Variants in PDE11A observed in about 807,000 individuals in gnomAD.
PDE11A encodes the protein dual 3',5'-cyclic-AMP and -GMP phosphodiesterase 11A.
In PDE11A, 100 loss-of-function variants were observed where a neutral mutation model predicts 100.5. The observed-to-expected ratio is 1.00, with a 90% CI of 0.85 to 1.18. PDE11A has a LOEUF of 1.18. PDE11A is among the 50% of genes most tolerant of loss of function. PDE11A has a pLI of 0.00. For missense variants in PDE11A, 1,141 were observed against 1,152.6 expected (o/e 0.99, Z 0.15); for synonymous variants, 381 against 420.8 (o/e 0.91, Z 1.16).
chr2:177,909,565 A>T (rs1574270784), intron 2 of PDE11A, among the ~76,000 whole-genome samples: 1 of 152,192 alleles, frequency 6.6e-6, no homozygotes, highest in African/African-American at 2.4e-5. Context: ...AATACAGGCT[A>T]AAGTTCAAAT....
chr2:178,036,692 G>A (rs919307583), intron 1 of PDE11A, among the ~76,000 whole-genome samples: 4 of 151,946 alleles, frequency 2.6e-5, no homozygotes, highest in Non-Finnish European at 5.9e-5. Flanking sequence ...CCAACGGAAC[G>A]AAAGGAGACC....
upstream of PDE11A, chr2:178,072,785 T>TG: frequency 8.1e-7 from 1 of 1,239,844 alleles, no homozygotes; most frequent in Non-Finnish European, 1.0e-6. Context: ...ACCGGATGAG[T>TG]GGACCGCTGT....
At chr2:177,984,388 T>C (rs983365057) in intron 2 of PDE11A, among the ~76,000 whole-genome samples, 5 of 152,230 alleles carry the variant, frequency 3.3e-5, no homozygotes, top group South Asian at 2.1e-4. Context: ...GTGAATGGCA[T>C]ACATATACTT....
intron 2 of PDE11A, among the ~76,000 whole-genome samples, chr2:178,012,354 A>T (rs2086282723): frequency 6.6e-6 from 1 of 152,340 alleles, no homozygotes; most frequent in East Asian, 1.9e-4. Flanking sequence ...TAAAACTCAT[A>T]GGGAAAATAT....
chr2:178,003,064 G>A (rs1000567630), intron 2 of PDE11A, among the ~76,000 whole-genome samples: 1 of 152,154 alleles, frequency 6.6e-6, no homozygotes, highest in African/African-American at 2.4e-5. Flanking sequence ...TGACATGGGT[G>A]TGGAGAATTC....
chr2:177,855,299 G>A (rs534457273), intron 5 of PDE11A, among the ~76,000 whole-genome samples: 1 of 152,146 alleles, frequency 6.6e-6, no homozygotes, highest in Non-Finnish European at 1.5e-5. Flanking sequence ...GAAGAGGAAA[G>A]AAGTTCCAGA....
intron 10 of PDE11A, among the ~76,000 whole-genome samples, chr2:177,762,748 ATCT>A (rs1384488706): frequency 6.6e-6 from 1 of 152,192 alleles, no homozygotes; most frequent in Non-Finnish European, 1.5e-5. Flanking sequence ...GCTCACAGTG[ATCT>A]TCTGGGGAGA....
intron 5 of PDE11A, among the ~76,000 whole-genome samples, chr2:177,854,713 C>T (rs1432483405): frequency 6.6e-6 from 1 of 152,036 alleles, no homozygotes; most frequent in East Asian, 1.9e-4. Context: ...ATGAAGCTTC[C>T]TGGTAAATGA....
intron 2 of PDE11A, among the ~76,000 whole-genome samples, chr2:177,915,737 G>A (rs1016456593): frequency 2.6e-5 from 4 of 152,308 alleles, no homozygotes; most frequent in Non-Finnish European, 4.4e-5. Context: ...TGGATTGCAT[G>A]GTAAGCGTAT....
chr2:177,800,565 T>C (rs532071855), intron 9 of PDE11A, among the ~76,000 whole-genome samples: 1 of 152,316 alleles, frequency 6.6e-6, no homozygotes, highest in South Asian at 2.1e-4. Context: ...ATTGAGATTC[T>C]TGTACTTTAA....
chr2:177,926,234 A>AG (rs1332533672), intron 2 of PDE11A, among the ~76,000 whole-genome samples: 2 of 150,512 alleles, frequency 1.3e-5, no homozygotes, highest in Non-Finnish European at 3.0e-5. Context: ...TTCATTGTCT[A>AG]GGAAAAAAAA....
At chr2:177,944,869 C>T (rs78394094) in intron 2 of PDE11A, among the ~76,000 whole-genome samples, 1,647 of 149,732 alleles carry the variant, frequency 0.011, 31 homozygotes, top group East Asian at 0.073. Context: ...CACGGTCTCC[C>T]TCTCATGTGG....
At chr2:177,782,922 AAAACAAACAAAC>A (rs57261659) in intron 9 of PDE11A, among the ~76,000 whole-genome samples, 13 of 150,330 alleles carry the variant, frequency 8.6e-5, no homozygotes, top group South Asian at 6.3e-4. Flanking sequence ...AAGTTGCATC[AAAACAAACAAAC>A]AAACAAACAA....
chr2:177,972,222 C>T (rs1401763842), intron 2 of PDE11A, among the ~76,000 whole-genome samples: 5 of 152,056 alleles, frequency 3.3e-5, no homozygotes, highest in African/African-American at 4.8e-5. Flanking sequence ...CATAAAGAAC[C>T]CTGACACTGA....
chr2:177,928,151 T>C (rs17329811), intron 2 of PDE11A, among the ~76,000 whole-genome samples: 15,190 of 144,600 alleles, frequency 0.11, 1,092 homozygotes, highest in Non-Finnish European at 0.15. Flanking sequence ...GAAACATCAA[T>C]TGGTAAATCT....
intron 2 of PDE11A, among the ~76,000 whole-genome samples, chr2:177,987,720 A>G (rs371129524): frequency 6.6e-6 from 1 of 152,226 alleles, no homozygotes; most frequent in Non-Finnish European, 1.5e-5. Context: ...CTCTCTTCTT[A>G]TAGAATTTTA....
chr2:177,676,256 T>C (rs750238486), intron 16 of PDE11A, among the ~76,000 whole-genome samples: 2 of 152,220 alleles, frequency 1.3e-5, no homozygotes, highest in African/African-American at 2.4e-5. Flanking sequence ...CTGGTGCTTA[T>C]ATATAATTTA....
intron 2 of PDE11A, among the ~76,000 whole-genome samples, chr2:177,927,441 T>C (rs1413715878): frequency 2.0e-5 from 3 of 152,216 alleles, no homozygotes; most frequent in Non-Finnish European, 2.9e-5. Flanking sequence ...ATTTCTTAAC[T>C]GTTGAGATTA....
chr2:177,809,670 C>A (rs1344096071), intron 9 of PDE11A, among the ~76,000 whole-genome samples: 1 of 151,930 alleles, frequency 6.6e-6, no homozygotes, highest in East Asian at 1.9e-4. Flanking sequence ...GACTGTGTCT[C>A]TCTCCTGACT....
Sources: gnomAD v4.1 joint callset for allele counts (sites outside exome capture counted in the v4.1 genomes callset) on GRCh38, gnomAD v4.1.1 for gene constraint, MANE v1.5 for transcripts, NCBI Gene and HGNC (gene_info 2026-07-23, HGNC 2026-07-21) for gene names.